Variants in FMN1 observed in about 807,000 individuals in gnomAD.
The protein encoded by FMN1 is formin-1.
In FMN1, 110 loss-of-function variants were observed where a neutral mutation model predicts 132.4. The ratio of observed to expected loss-of-function variants is 0.83; its 90% CI spans 0.71 to 0.97. The LOEUF (loss-of-function observed/expected upper bound fraction) is 0.97, where lower values mean the gene tolerates loss of function less well. FMN1 is among the 50% of genes least tolerant of loss of function. The pLI is 0.00. For synonymous variants in FMN1, 722 were observed against 651.7 expected (o/e 1.11, Z -1.64); for missense variants, 1,792 against 1,705.3 (o/e 1.05, Z -0.90).
chr15:33,006,540 T>C (rs183200103), intron 7 of FMN1, among the ~76,000 whole-genome samples: 11 of 152,294 alleles, frequency 7.2e-5, no homozygotes, highest in South Asian at 4.1e-4. Context: ...CTACTGGGTA[T>C]ATATTTAAAG....
rs2140285802 is a variant in FMN1 at position 33,154,378 on chromosome 15, T to G, written c.537A>C (p.Arg179Ser). 2 of 1,536,202 alleles carry G rather than the reference T, an allele frequency of 1.3e-6. No individual in the cohort carries two copies. Among genetic ancestry groups the G allele is most frequent in the Non-Finnish European group, 1.7e-6 (2 of 1,146,928 alleles). Reference sequence around the variant, plus strand: ...CTGATTCTCGGCCTCCACGCCCTTTTCTTTTGGTCCTCTTCTGTGGAAGGG... The same window carrying G: ...CTGATTCTCGGCCTCCACGCCCTTTGCTTTTGGTCCTCTTCTGTGGAAGGG... The part of the protein sequence containing the change: ...FGALPQKRTK[R>S]KGRGGRESAP... The change falls in exon 4 of 21, where the codon AGA becomes AGC. Residue 179 changes from arginine (R) to serine (S), a missense_variant. Transcript: ENST00000616417.
rs2038373576 is a variant in FMN1, at chr15:33,079,739, G to A, written c.2043+9060C>T. Among the ~76,000 whole-genome samples the A allele has an allele frequency of 2.0e-5, 3 of 152,214 alleles. No homozygotes were observed. The South Asian group carries it at 6.2e-4, about 32-fold the overall frequency. On this transcript the variant is annotated intron_variant, in intron 5 of 20. Coordinates refer to ENST00000616417, the MANE Select transcript of FMN1 (RefSeq NM_001277313.2). ...GAAAATAGAAATTCTATTTAAACAT[G>A]ATAACCATCCTTCACATCAATTTCC...
intron 19 of FMN1, 106 bp downstream of exon 19, chr15:32,798,698 C>A: frequency 9.3e-7 from 1 of 1,074,152 alleles, no homozygotes; most frequent in Admixed American, 3.0e-5. Context: ...CCACTTCATC[C>A]GAAAGAAAAC....
intron 12 of FMN1, among the ~76,000 whole-genome samples, chr15:32,906,207 G>T (rs1384044999): frequency 6.6e-6 from 1 of 152,164 alleles, no homozygotes; most frequent in Non-Finnish European, 1.5e-5. Flanking sequence ...AACAAGGGCT[G>T]CTCGGTGGTT....
intron 4 of FMN1, among the ~76,000 whole-genome samples, chr15:33,100,031 T>C (rs2039235089): frequency 6.6e-6 from 1 of 152,130 alleles, no homozygotes; most frequent in African/African-American, 2.4e-5. Flanking sequence ...GGTCTTCGTG[T>C]CCAAAAGAGG....
intron 4 of FMN1, among the ~76,000 whole-genome samples, chr15:33,136,758 G>T (rs759927172): frequency 1.6e-4 from 24 of 152,168 alleles, no homozygotes; most frequent in Non-Finnish European, 3.2e-4. Context: ...TTTCTGGAAT[G>T]AGGTAGAACA....
chr15:33,053,945 C>T (rs903515293), intron 6 of FMN1, among the ~76,000 whole-genome samples: 13 of 151,966 alleles, frequency 8.6e-5, no homozygotes, highest in South Asian at 2.1e-4. Context: ...GATTTCACTA[C>T]GTAGGCATGA....
At chr15:33,174,808 T>G (rs1373513028) in intron 3 of FMN1, among the ~76,000 whole-genome samples, 2 of 152,204 alleles carry the variant, frequency 1.3e-5, no homozygotes, top group East Asian at 3.8e-4. Flanking sequence ...TATTTAGACT[T>G]ATAGAATAGC....
intron 5 of FMN1, chr15:33,067,927 T>G: frequency 6.4e-7 from 1 of 1,562,260 alleles, no homozygotes; most frequent in Non-Finnish European, 8.6e-7. Context: ...TTGTGTTACC[T>G]TCTCCTGCGC....
chr15:33,103,308 T>C (rs2039363696), intron 4 of FMN1, among the ~76,000 whole-genome samples: 2 of 152,146 alleles, frequency 1.3e-5, no homozygotes. Context: ...GCAATTTGTT[T>C]AACCTCTCTA....
At chr15:33,185,852 A>G (rs1319078471) in intron 2 of FMN1, among the ~76,000 whole-genome samples, 2 of 152,172 alleles carry the variant, frequency 1.3e-5, no homozygotes, top group Non-Finnish European at 2.9e-5. Context: ...GATTATAGGC[A>G]TGAGCCCCTG....
At chr15:33,017,719 C>T (rs1336987832) in intron 6 of FMN1, among the ~76,000 whole-genome samples, 3 of 152,202 alleles carry the variant, frequency 2.0e-5, no homozygotes, top group African/African-American at 7.2e-5. Flanking sequence ...TTCTAATTCT[C>T]CAAGCCACTA....
At chr15:33,005,899 C>T (rs905725594) in intron 7 of FMN1, among the ~76,000 whole-genome samples, 2 of 152,140 alleles carry the variant, frequency 1.3e-5, no homozygotes, top group African/African-American at 4.8e-5. Context: ...AAGGGCCTCC[C>T]TCCTCTCCTT....
At chr15:33,025,226 TGAGA>T (rs920753150) in intron 6 of FMN1, among the ~76,000 whole-genome samples, 24 of 152,264 alleles carry the variant, frequency 1.6e-4, no homozygotes, top group African/African-American at 3.6e-4. Flanking sequence ...CAAAAGAAGC[TGAGA>T]GAAATTCAAT....
At chr15:33,122,831 T>C (rs1962692340) in intron 4 of FMN1, among the ~76,000 whole-genome samples, 1 of 152,182 alleles carries the variant, frequency 6.6e-6, no homozygotes, top group Admixed American at 6.5e-5. Context: ...GAATATTTCT[T>C]ATATATAGGA....
chr15:32,885,762 T>C (rs2059882289), intron 16 of FMN1, among the ~76,000 whole-genome samples: 1 of 152,224 alleles, frequency 6.6e-6, no homozygotes, highest in East Asian at 1.9e-4. Context: ...GTATGACCAA[T>C]AACCATAGGT....
Position 32,772,496 on chromosome 15 carries a change from G to T in FMN1, c.*1814C>A, listed in dbSNP as rs764275991. 6.6e-6 allele frequency: 1 copy of T among 152,238 alleles called. No homozygotes were observed. The highest frequency in any genetic ancestry group is 1.5e-5 in the Non-Finnish European group (1 of 68,044). 9.4% of individuals were successfully genotyped at this position (152,238 alleles called of 1,614,324 possible). A position where few individuals can be genotyped will look rare whatever the true frequency, so the allele number is the denominator to read the frequency against. ...TTCTTTTGGTTGTCTTCAGAGTTAA[G>T]TGAAAATGAAGAGAAACTATGTAAG... On this transcript the variant is annotated 3_prime_UTR_variant, in exon 21 of 21. Coordinates refer to ENST00000616417, the MANE Select transcript of FMN1 (RefSeq NM_001277313.2).
intron 17 of FMN1, among the ~76,000 whole-genome samples, chr15:32,842,235 G>T (rs1277721606): frequency 6.6e-6 from 1 of 152,170 alleles, no homozygotes; most frequent in Non-Finnish European, 1.5e-5. Context: ...AGACCACCAT[G>T]CTATGAGAAA....
intron 17 of FMN1, among the ~76,000 whole-genome samples, chr15:32,829,853 AGTGG>A (rs2058460072): frequency 6.6e-6 from 1 of 152,190 alleles, no homozygotes; most frequent in Non-Finnish European, 1.5e-5. Context: ...AGACCTCAGT[AGTGG>A]GAAGGGAGAC....
Sources: allele counts gnomAD v4.1 joint callset (sites outside exome capture counted in the v4.1 genomes callset), GRCh38; gene constraint gnomAD v4.1.1; transcripts MANE v1.5; gene names NCBI Gene and HGNC (gene_info 2026-07-23, HGNC 2026-07-21).